Variants in RC3H2 observed in about 807,000 individuals in gnomAD.
RC3H2 encodes the protein roquin-2.
In RC3H2, 31 loss-of-function variants were observed where a neutral mutation model predicts 133.3. That is an observed-to-expected ratio of 0.23 (90% CI 0.17 to 0.31). The LOEUF (loss-of-function observed/expected upper bound fraction) is 0.31, where lower values mean the gene tolerates loss of function less well. RC3H2 is among the 10% of genes least tolerant of loss of function. The pLI, the probability that RC3H2 is intolerant of heterozygous loss-of-function variation, is 1.00. For synonymous variants in RC3H2, 517 were observed against 502.2 expected (o/e 1.03, Z -0.40); for missense variants, 1,175 against 1,437.2 (o/e 0.82, Z 2.95).
At chr9:122,872,416 G>A (rs1338606422) in intron 9 of RC3H2, among the ~76,000 whole-genome samples, 2 of 152,152 alleles carry the variant, frequency 1.3e-5, no homozygotes, top group Non-Finnish European at 2.9e-5. Flanking sequence ...AGAGTGATAT[G>A]TCTAAGACAA....
chr9:122,869,929 C>T (rs150371050), intron 9 of RC3H2, among the ~76,000 whole-genome samples: 10 of 152,266 alleles, frequency 6.6e-5, no homozygotes, highest in East Asian at 3.9e-4. Context: ...AGGGCATGAG[C>T]AGACCTATAT....
At chr9:122,877,016 A>G (rs1218563552) in intron 9 of RC3H2, among the ~76,000 whole-genome samples, 2 of 152,228 alleles carry the variant, frequency 1.3e-5, no homozygotes, top group Non-Finnish European at 2.9e-5. Context: ...AAATGGTCTC[A>G]AAATATGACC....
In RC3H2 at chr9:122,851,391, T is replaced by A; in HGVS notation, c.3163A>T (p.Arg1055Trp). The A allele has an allele frequency of 6.2e-7, 1 of 1,614,208 alleles. No homozygotes were observed. Among genetic ancestry groups the A allele is most frequent in the Non-Finnish European group, 8.5e-7 (1 of 1,180,032 alleles). ...GCTGAAAGCTCTAACTCGATATCCC[T>A]ATCAGGTTTAGTATCTGTTGCATCT... ...TEDATDTKPD[R>W]DIELELSALD... The change falls in exon 19 of 21, where the codon AGG becomes TGG. Residue 1055 changes from arginine to tryptophan, a missense_variant. Physicochemically the swap from Arg to Trp is moderately radical, Grantham distance 101. This residue lies in a region of RC3H2 where 220 missense variants were observed against 201.1 expected (regional missense o/e 1.09). Transcript: ENST00000357244.
In RC3H2 at chr9:122,860,534, C is replaced by A. The variant is rs546335779; in HGVS notation, c.1635-403G>T. Among the ~76,000 whole-genome samples the A allele has an allele frequency of 8.6e-5, 13 of 151,714 alleles. No individual in the cohort carries two copies. The South Asian group carries it at 2.7e-3, about 32-fold the overall frequency. ...GCTTAAGCAATCCTCCCACCTCAGC[C>A]TCCCAAGCAGATGGGACTACAAGTG... On this transcript the variant is annotated intron_variant, in intron 10 of 20. Transcript: ENST00000357244.
chr9:122,866,294 ATAATACTC>A (rs1388553424), intron 9 of RC3H2, among the ~76,000 whole-genome samples: 2 of 151,978 alleles, frequency 1.3e-5, no homozygotes, highest in African/African-American at 2.4e-5. Context: ...ATCATTGGAT[ATAATACTC>A]TAATACACAA....
Position 122,880,050 on chromosome 9 carries a change from T to A in RC3H2, c.1036A>T (p.Asn346Tyr). The change falls in exon 7 of 21, where the codon AAC (asparagine) becomes TAC (tyrosine). Residue 346 changes from asparagine (N) to tyrosine (Y), a missense_variant. Asn to Tyr is a moderately radical substitution (Grantham distance 143). This residue lies in a region of RC3H2 where 131 missense variants were observed against 154.2 expected (regional missense o/e 0.85). Transcript: ENST00000357244. Reference protein sequence around the residue: ...IVLQRTGDPANLNRLRPHLEL... With the variant: ...IVLQRTGDPAYLNRLRPHLEL... ...AAATGAGGCCTCAGTCTATTTAAGT[T>A]AGCTGGGTCACCTGTTCGTTGCAAA... The A allele has an allele frequency of 1.9e-6, 3 of 1,614,194 alleles. No individual in the cohort carries two copies. The highest frequency in any genetic ancestry group is 2.5e-6 in the Non-Finnish European group (3 of 1,180,014).
chr9:122,852,192 C>T (rs1308336158), intron 18 of RC3H2, among the ~76,000 whole-genome samples: 1 of 151,044 alleles, frequency 6.6e-6, no homozygotes, highest in South Asian at 2.1e-4. Context: ...GGCCGCCACC[C>T]CGTCTGGGAG....
chr9:122,892,796 T>C (rs1832242121), intron 3 of RC3H2, 113 bp downstream of exon 3: 5 of 760,028 alleles, frequency 6.6e-6, no homozygotes, highest in Non-Finnish European at 1.1e-5. Context: ...TTTCAAGGCA[T>C]TTCTCAAGCA....
At chr9:122,869,985 T>C (rs1256421601) in intron 9 of RC3H2, among the ~76,000 whole-genome samples, 1 of 152,228 alleles carries the variant, frequency 6.6e-6, no homozygotes, top group African/African-American at 2.4e-5. Flanking sequence ...AAGATCCCTA[T>C]GCCTTCCTCC....
intron 12 of RC3H2, 60 bp from the exon 13 acceptor site, chr9:122,858,153 G>C: frequency 6.8e-7 from 1 of 1,474,526 alleles, no homozygotes; most frequent in Non-Finnish European, 9.4e-7. Flanking sequence ...AAATTTAACT[G>C]TGTGAAAATG....
chr9:122,862,145 G>A (rs1049564959), intron 10 of RC3H2, among the ~76,000 whole-genome samples: 1 of 151,978 alleles, frequency 6.6e-6, no homozygotes, highest in Admixed American at 6.6e-5. Context: ...TCCATGATAA[G>A]GTCAACATTT....
chr9:122,854,306 G>C, intron 16 of RC3H2, 40 bp from the exon 17 acceptor site: 4 of 1,518,692 alleles, frequency 2.6e-6, no homozygotes, highest in Non-Finnish European at 3.6e-6. Flanking sequence ...AAAGTGAAGT[G>C]AATGAAGCAA....
chr9:122,878,045 C>G (rs1437131424), intron 8 of RC3H2, among the ~76,000 whole-genome samples: 3 of 152,152 alleles, frequency 2.0e-5, no homozygotes, highest in Non-Finnish European at 4.4e-5. Flanking sequence ...GTGCAACTCT[C>G]AGGCTTAAAC....
chr9:122,853,301 T>C (rs1190338743), intron 18 of RC3H2, among the ~76,000 whole-genome samples: 5 of 149,952 alleles, frequency 3.3e-5, no homozygotes, highest in Non-Finnish European at 5.9e-5. Flanking sequence ...CACTTGTTTA[T>C]CTGCTGACCT....
At chr9:122,887,853 C>T (rs1441742307) in intron 4 of RC3H2, among the ~76,000 whole-genome samples, 5 of 149,914 alleles carry the variant, frequency 3.3e-5, no homozygotes, top group Admixed American at 1.3e-4. Flanking sequence ...GGGCAATTCT[C>T]GTGCCTCAGC....
chr9:122,852,395 G>A (rs1419820044), intron 18 of RC3H2, among the ~76,000 whole-genome samples: 10 of 149,780 alleles, frequency 6.7e-5, no homozygotes, highest in African/African-American at 9.9e-5. Context: ...CGCCCCGTCC[G>A]GGAGGGAGGT....
chr9:122,894,659 C>G (rs1377071920), intron 2 of RC3H2, among the ~76,000 whole-genome samples: 1 of 152,102 alleles, frequency 6.6e-6, no homozygotes, highest in African/African-American at 2.4e-5. Context: ...GTGGGCAGAT[C>G]ACTTGAGGTC....
chr9:122,887,753 T>C (rs1033997152), intron 4 of RC3H2, among the ~76,000 whole-genome samples: 16 of 150,544 alleles, frequency 1.1e-4, no homozygotes, highest in Non-Finnish European at 2.4e-4. Context: ...TTTTTTTTTT[T>C]TTTTTTTTTG....
intron 3 of RC3H2, among the ~76,000 whole-genome samples, chr9:122,891,101 C>T (rs975828878): frequency 6.8e-6 from 1 of 147,838 alleles, no homozygotes; most frequent in African/African-American, 2.5e-5. Context: ...CTCACTGCAA[C>T]CTCTGCCTCC....
Sources: allele counts gnomAD v4.1 joint callset (sites outside exome capture counted in the v4.1 genomes callset), GRCh38; gene constraint gnomAD v4.1.1; regional missense constraint gnomAD v4.1.1; transcripts MANE v1.5; gene names NCBI Gene and HGNC (gene_info 2026-07-23, HGNC 2026-07-21).